The following RHBDD1 variants were observed in gnomAD, a reference collection of about 807,000 sequenced individuals.
The protein encoded by RHBDD1 is rhomboid domain containing 1, also known as rhomboid-related protein 4.
A neutral mutation model predicts 36.3 loss-of-function variants in RHBDD1; 38 were observed. That is an observed-to-expected ratio of 1.05 (90% CI 0.81 to 1.37). RHBDD1 has a LOEUF of 1.37. RHBDD1 is among the 40% of genes most tolerant of loss of function. RHBDD1 has a pLI of 0.00. For missense variants in RHBDD1, 393 were observed against 377.6 expected (o/e 1.04, Z -0.34); for synonymous variants, 151 against 136.5 (o/e 1.11, Z -0.74).
At chr2:226,988,457 T>G in intron 8 of RHBDD1, 1 of 1,549,024 alleles carries the variant, frequency 6.5e-7, no homozygotes. Flanking sequence ...AGGAATCCTT[T>G]GAGGCTGCAG....
intron 5 of RHBDD1, among the ~76,000 whole-genome samples, chr2:226,901,274 C>T (rs1432389702): frequency 6.6e-6 from 1 of 152,050 alleles, no homozygotes; most frequent in African/African-American, 2.4e-5. Flanking sequence ...ACCACATTTT[C>T]TTTATCGGTT....
At chr2:226,935,634 ATT>A (rs5839183) in intron 8 of RHBDD1, among the ~76,000 whole-genome samples, 12 of 149,300 alleles carry the variant, frequency 8.0e-5, no homozygotes, top group East Asian at 4.0e-4. Context: ...TCTCAGTTTT[ATT>A]TTTTTTTTTT....
the RHBDD1 span, among the ~76,000 whole-genome samples, chr2:226,815,897 A>G: frequency 2.0e-5 from 3 of 151,614 alleles, no homozygotes; most frequent in Non-Finnish European, 4.4e-5. Flanking sequence ...TGGATCCTTT[A>G]GACATTAAAG....
At chr2:226,936,861 G>A (rs1303591042) in intron 8 of RHBDD1, among the ~76,000 whole-genome samples, 2 of 151,992 alleles carry the variant, frequency 1.3e-5, no homozygotes, top group Non-Finnish European at 2.9e-5. Context: ...AATGACAAGC[G>A]ATTTAAATGA....
chr2:226,888,606 T>A (rs1212912285), intron 5 of RHBDD1, among the ~76,000 whole-genome samples: 1 of 152,082 alleles, frequency 6.6e-6, no homozygotes, highest in African/African-American at 2.4e-5. Context: ...GACCTTTGTG[T>A]CTTGTTTTTT....
the RHBDD1 span, among the ~76,000 whole-genome samples, chr2:226,802,869 A>G: frequency 1.3e-5 from 2 of 152,266 alleles, no homozygotes; most frequent in African/African-American, 4.8e-5. Context: ...TTGGGGCAAT[A>G]GGTCTACAAC....
At chr2:226,964,052 T>C (rs1410883759) in intron 8 of RHBDD1, among the ~76,000 whole-genome samples, 4 of 152,140 alleles carry the variant, frequency 2.6e-5, no homozygotes. Flanking sequence ...TCTCAGTCTC[T>C]ACTGGATCCC....
At chr2:226,982,820 G>A (rs1956080806) in intron 8 of RHBDD1, among the ~76,000 whole-genome samples, 2 of 152,198 alleles carry the variant, frequency 1.3e-5, no homozygotes, top group African/African-American at 4.8e-5. Flanking sequence ...GGGATCCAGA[G>A]GTGAATTCCC....
rs558390797 is a variant in RHBDD1, at chr2:226,863,582, T to G, written c.-90-1022T>G. On this transcript the variant is annotated intron_variant, in intron 3 of 8. Coordinates refer to ENST00000392062, the MANE Select transcript of RHBDD1 (RefSeq NM_001167608.3). ...TATACCTGTGGTCAGCTAGACAGCT[T>G]CACCTCTGGAGTAGTAGCTGACCAG... Among the ~76,000 whole-genome samples the G allele has an allele frequency of 1.7e-3, 253 of 152,284 alleles. 3 individuals are homozygous for G. The South Asian group carries it at 0.043, about 26-fold the overall frequency.
intron 8 of RHBDD1, among the ~76,000 whole-genome samples, chr2:226,965,322 C>T (rs1013980220): frequency 1.3e-5 from 2 of 152,214 alleles, no homozygotes; most frequent in African/African-American, 4.8e-5. Context: ...ACCCTGCCAA[C>T]AACCTTGATG....
chr2:226,995,178 A>C (rs537906280), intron 8 of RHBDD1, among the ~76,000 whole-genome samples: 2 of 152,352 alleles, frequency 1.3e-5, no homozygotes, highest in East Asian at 3.9e-4. Context: ...GGAAGGAAAA[A>C]TACAAGTGGG....
At chr2:226,979,876 G>A (rs1174277125) in intron 8 of RHBDD1, among the ~76,000 whole-genome samples, 2 of 152,216 alleles carry the variant, frequency 1.3e-5, no homozygotes, top group East Asian at 3.8e-4. Context: ...CCATGATACA[G>A]GTGACTCAAA....
At chr2:226,829,713 AAACTT>A in the RHBDD1 span, among the ~76,000 whole-genome samples, 72 of 152,276 alleles carry the variant, frequency 4.7e-4, no homozygotes, top group African/African-American at 1.7e-3. Flanking sequence ...AGACTGTGCT[AAACTT>A]ATTAATTTTA....
intron 8 of RHBDD1, among the ~76,000 whole-genome samples, chr2:226,981,367 A>C (rs1431691731): frequency 1.3e-5 from 2 of 152,110 alleles, no homozygotes; most frequent in Non-Finnish European, 2.9e-5. Context: ...AAGTATAATA[A>C]AAAATAAATA....
chr2:226,892,434 C>T (rs1196144193), intron 5 of RHBDD1, among the ~76,000 whole-genome samples: 1 of 152,160 alleles, frequency 6.6e-6, no homozygotes, highest in Non-Finnish European at 1.5e-5. Flanking sequence ...ATTATCTTAA[C>T]TTTTTACTTT....
the RHBDD1 span, among the ~76,000 whole-genome samples, chr2:226,803,679 A>G: frequency 3.3e-5 from 5 of 152,248 alleles, no homozygotes; most frequent in Non-Finnish European, 7.3e-5. Context: ...GCCTTCTGAC[A>G]TAAACATTAT....
chr2:226,864,622 C>A lies in RHBDD1; in HGVS notation c.-72C>A. On this transcript the variant is annotated 5_prime_UTR_variant, in exon 4 of 9. Coordinates refer to ENST00000392062, the MANE Select transcript of RHBDD1 (RefSeq NM_001167608.3). Reference sequence around the variant, plus strand: ...GTTTTAGGTTCAGCCGTCTGTATATCTCCCCAGATACCTGAAACTGACCAC... The same window carrying A: ...GTTTTAGGTTCAGCCGTCTGTATATATCCCCAGATACCTGAAACTGACCAC... 8.1e-7 allele frequency: 1 copy of A among 1,233,804 alleles called. No individual in the cohort carries two copies. Among genetic ancestry groups the A allele is most frequent in the Non-Finnish European group, 1.2e-6 (1 of 862,410 alleles). 76.4% of individuals were successfully genotyped at this position (1,233,804 alleles called of 1,614,324 possible). A position where few individuals can be genotyped will look rare whatever the true frequency, so the allele number is the denominator to read the frequency against.
At chr2:226,849,054 T>C (rs1942525196) in intron 3 of RHBDD1, among the ~76,000 whole-genome samples, 1 of 152,216 alleles carries the variant, frequency 6.6e-6, no homozygotes, top group Non-Finnish European at 1.5e-5. Context: ...ATTGAGTGAT[T>C]ACTGTATGCC....
rs772237580 is a variant in RHBDD1, at chr2:226,865,016, T to C, written c.323T>C (p.Ile108Thr). Residue 108 changes from isoleucine to threonine, a missense_variant, in exon 4 of 9, where the codon ATC (isoleucine) becomes ACC (threonine). By Grantham distance (89) the Ile-to-Thr change is moderately conservative (BLOSUM62 -1). Coordinates refer to ENST00000392062, the MANE Select transcript of RHBDD1 (RefSeq NM_001167608.3). ...RLGSRWFAYVITAFSVLTGVV... is the reference protein window; with the variant it reads ...RLGSRWFAYVTTAFSVLTGVV... ...GGAAGTAGATGGTTTGCCTATGTTATCACCGCATTTTCTGTACTTACTGGA... is the reference window on the plus strand; with the variant it reads ...GGAAGTAGATGGTTTGCCTATGTTACCACCGCATTTTCTGTACTTACTGGA... 4.3e-6 allele frequency: 7 copies of C among 1,614,236 alleles called. No individual in the cohort carries two copies. The South Asian group carries it at 5.5e-5, about 13-fold the overall frequency.
Sources: allele counts gnomAD v4.1 joint callset (sites outside exome capture counted in the v4.1 genomes callset), GRCh38; gene constraint gnomAD v4.1.1; transcripts MANE v1.5; gene names NCBI Gene and HGNC (gene_info 2026-07-23, HGNC 2026-07-21).